CNTNAP4: variants seen among roughly 807,000 people sequenced by gnomAD.
CNTNAP4 encodes the protein contactin-associated protein-like 4.
Under a neutral mutation model 148.4 loss-of-function variants are expected in CNTNAP4, and 98 were observed. That is an observed-to-expected ratio of 0.66 (90% CI 0.56 to 0.78). The LOEUF (loss-of-function observed/expected upper bound fraction) is 0.78, where lower values mean the gene tolerates loss of function less well. CNTNAP4 is among the 30% of genes least tolerant of loss of function. The pLI, the probability that CNTNAP4 is intolerant of heterozygous loss-of-function variation, is 0.00. For synonymous variants in CNTNAP4, 730 were observed against 565.1 expected (o/e 1.29, Z -4.14); for missense variants, 1,935 against 1,565.6 (o/e 1.24, Z -3.98).
chr16:76,532,454 T>G (rs926461353), intron 17 of CNTNAP4, among the ~76,000 whole-genome samples: 5 of 152,152 alleles, frequency 3.3e-5, no homozygotes, highest in African/African-American at 1.2e-4. Flanking sequence ...GAAATGGACT[T>G]TAGTCAGTTG....
At chr16:76,499,505 C>G (rs1338154077) in intron 15 of CNTNAP4, among the ~76,000 whole-genome samples, 1 of 151,342 alleles carries the variant, frequency 6.6e-6, no homozygotes, top group Non-Finnish European at 1.5e-5. Context: ...CTGTTTATTT[C>G]TATAGAGCTA....
At chr16:76,525,439 T>C (rs1468638336) in intron 17 of CNTNAP4, among the ~76,000 whole-genome samples, 1 of 149,280 alleles carries the variant, frequency 6.7e-6, no homozygotes, top group Admixed American at 6.7e-5. Flanking sequence ...AAAAAATCTA[T>C]ATAGAGAGAG....
intron 1 of CNTNAP4, among the ~76,000 whole-genome samples, chr16:76,284,209 A>G (rs1958795258): frequency 1.3e-5 from 2 of 151,956 alleles, no homozygotes; most frequent in African/African-American, 2.4e-5. Flanking sequence ...GATGTTTCCT[A>G]TATTGTTGCA....
intron 17 of CNTNAP4, among the ~76,000 whole-genome samples, chr16:76,531,733 G>C (rs11865739): frequency 0.09 from 13,713 of 152,148 alleles, 1,035 homozygotes; most frequent in African/African-American, 0.21. Flanking sequence ...TTTTCAAATA[G>C]TTACATCTGA....
chr16:76,504,992 A>G (rs929459410), intron 15 of CNTNAP4, among the ~76,000 whole-genome samples: 3 of 152,208 alleles, frequency 2.0e-5, no homozygotes, highest in East Asian at 1.9e-4. Flanking sequence ...ATTTAGAGCA[A>G]CTAGAACTCT....
intron 3 of CNTNAP4, among the ~76,000 whole-genome samples, chr16:76,421,560 T>C (rs938152747): frequency 6.6e-6 from 1 of 152,154 alleles, no homozygotes; most frequent in Non-Finnish European, 1.5e-5. Flanking sequence ...GCTTTTATTA[T>C]ATACTTTTCT....
chr16:76,522,387 A>G (rs1020353864), intron 17 of CNTNAP4, 130 bp downstream of exon 17: 16 of 786,882 alleles, frequency 2.0e-5, no homozygotes, highest in Non-Finnish European at 2.8e-5. Flanking sequence ...CCATGGATTC[A>G]CAAACTGTGT....
chr16:76,350,179 ATAGT>A (rs1215708464), intron 2 of CNTNAP4, among the ~76,000 whole-genome samples: 2 of 152,122 alleles, frequency 1.3e-5, no homozygotes, highest in Non-Finnish European at 2.9e-5. Flanking sequence ...TGAGTCAAAG[ATAGT>A]TGTAATTACT....
chr16:76,395,979 T>C (rs908698590), intron 3 of CNTNAP4, among the ~76,000 whole-genome samples: 1 of 152,186 alleles, frequency 6.6e-6, no homozygotes, highest in Non-Finnish European at 1.5e-5. Flanking sequence ...TCTGCTGGCC[T>C]CAGCCTCCCA....
intron 1 of CNTNAP4, among the ~76,000 whole-genome samples, chr16:76,291,582 T>C (rs1203573302): frequency 6.6e-6 from 1 of 152,206 alleles, no homozygotes; most frequent in East Asian, 1.9e-4. Flanking sequence ...GTTTCTCATA[T>C]CCCCTTCTCA....
At chr16:76,405,359 A>G (rs2078566539) in intron 3 of CNTNAP4, among the ~76,000 whole-genome samples, 1 of 152,154 alleles carries the variant, frequency 6.6e-6, no homozygotes, top group African/African-American at 2.4e-5. Context: ...CAAATCATCA[A>G]TTTCTAAATA....
intron 12 of CNTNAP4, among the ~76,000 whole-genome samples, chr16:76,479,893 TTACA>T (rs1160323415): frequency 9.2e-5 from 14 of 152,154 alleles, no homozygotes; most frequent in Non-Finnish European, 1.8e-4. Context: ...TCTTGTATTC[TTACA>T]TAAATTTACA....
intron 10 of CNTNAP4, among the ~76,000 whole-genome samples, chr16:76,472,942 C>T (rs2081426042): frequency 6.6e-6 from 1 of 152,022 alleles, no homozygotes; most frequent in African/African-American, 2.4e-5. Context: ...TCATAAGTTA[C>T]CCCTGAACTT....
chr16:76,283,176 C>G (rs558298585), intron 1 of CNTNAP4, among the ~76,000 whole-genome samples: 2 of 151,980 alleles, frequency 1.3e-5, no homozygotes, highest in South Asian at 4.2e-4. Context: ...AGAATATCAG[C>G]TCTGCTCTAC....
chr16:76,554,241 A>G (rs1000457955), intron 23 of CNTNAP4, among the ~76,000 whole-genome samples: 2 of 152,168 alleles, frequency 1.3e-5, no homozygotes, highest in Non-Finnish European at 2.9e-5. Flanking sequence ...TATTTGAGTA[A>G]ATTTCGTTTT....
At chr16:76,314,745 T>A (rs1278565841) in intron 1 of CNTNAP4, among the ~76,000 whole-genome samples, 1 of 152,108 alleles carries the variant, frequency 6.6e-6, no homozygotes, top group African/African-American at 2.4e-5. Flanking sequence ...AGCCTCATTT[T>A]CCTAGCCCTC....
At chr16:76,280,079 G>C (rs2143726359) in intron 1 of CNTNAP4, among the ~76,000 whole-genome samples, 1 of 152,218 alleles carries the variant, frequency 6.6e-6, no homozygotes, top group African/African-American at 2.4e-5. Flanking sequence ...GAAAAAGTGA[G>C]TCAGTCTTGA....
At chr16:76,526,557 T>C (rs2083741706) in intron 17 of CNTNAP4, among the ~76,000 whole-genome samples, 1 of 152,194 alleles carries the variant, frequency 6.6e-6, no homozygotes, top group Non-Finnish European at 1.5e-5. Context: ...GCACCCAACT[T>C]GCTAATGAAT....
intron 2 of CNTNAP4, among the ~76,000 whole-genome samples, chr16:76,340,294 A>C (rs1488529574): frequency 1.3e-5 from 2 of 152,100 alleles, no homozygotes; most frequent in African/African-American, 4.8e-5. Flanking sequence ...TGCTTACCCA[A>C]ATCCCACAGG....
Sources: allele counts gnomAD v4.1 joint callset (sites outside exome capture counted in the v4.1 genomes callset), GRCh38; gene constraint gnomAD v4.1.1; transcripts MANE v1.5; gene names NCBI Gene and HGNC (gene_info 2026-07-23, HGNC 2026-07-21).